The following SYT2 variants were observed in gnomAD, a reference collection of about 807,000 sequenced individuals.
The protein encoded by SYT2 is synaptotagmin 2.
In SYT2, 15 loss-of-function variants were observed where a neutral mutation model predicts 39.9. The ratio of observed to expected loss-of-function variants is 0.38; its 90% CI spans 0.25 to 0.58. The LOEUF (loss-of-function observed/expected upper bound fraction) is 0.58. SYT2 is among the 20% of genes least tolerant of loss of function. SYT2 has a pLI of 0.70. For missense variants in SYT2, 389 were observed against 530.3 expected (o/e 0.73, Z 2.62); for synonymous variants, 181 against 204.5 (o/e 0.89, Z 0.98).
At chr1:202,688,848 G>T (rs1653740533) in intron 1 of SYT2, among the ~76,000 whole-genome samples, 1 of 152,186 alleles carries the variant, frequency 6.6e-6, no homozygotes, top group South Asian at 2.1e-4. Context: ...TTAAAGTAGA[G>T]ATGTCCCCGG....
chr1:202,673,912 G>A (rs1432971175), intron 1 of SYT2, among the ~76,000 whole-genome samples: 2 of 152,154 alleles, frequency 1.3e-5, no homozygotes, highest in Non-Finnish European at 2.9e-5. Flanking sequence ...CTGGCTGATG[G>A]GCAGTGACAG....
intron 8 of SYT2, among the ~76,000 whole-genome samples, chr1:202,597,870 C>G (rs545770814): frequency 6.6e-6 from 1 of 152,270 alleles, no homozygotes; most frequent in East Asian, 1.9e-4. Flanking sequence ...GGAAGAGAAT[C>G]AAGAGGACTT....
chr1:202,609,931 T>A (rs1043117990), intron 1 of SYT2, among the ~76,000 whole-genome samples: 1 of 152,248 alleles, frequency 6.6e-6, no homozygotes, highest in Non-Finnish European at 1.5e-5. Context: ...TTGCCATTGC[T>A]TTTGGTGTTT....
chr1:202,645,296 G>C (rs577849457), intron 1 of SYT2, among the ~76,000 whole-genome samples: 3 of 152,176 alleles, frequency 2.0e-5, no homozygotes, highest in Non-Finnish European at 4.4e-5. Flanking sequence ...ATGGGTGTGC[G>C]GGCTGAAGAG....
chr1:202,694,539 A>G (rs1653924768), intron 1 of SYT2, among the ~76,000 whole-genome samples: 1 of 146,906 alleles, frequency 6.8e-6, no homozygotes, highest in Admixed American at 6.9e-5. Context: ...ATCATAACTT[A>G]AGTCTCCTGA....
intron 1 of SYT2, among the ~76,000 whole-genome samples, chr1:202,631,104 G>A (rs940632026): frequency 1.3e-5 from 2 of 152,214 alleles, no homozygotes; most frequent in Non-Finnish European, 2.9e-5. Flanking sequence ...CTTGTCCAAA[G>A]TGGCAGAGTA....
intron 1 of SYT2, among the ~76,000 whole-genome samples, chr1:202,688,791 G>A (rs1168941557): frequency 1.3e-5 from 2 of 152,146 alleles, no homozygotes; most frequent in Non-Finnish European, 2.9e-5. Context: ...GCCCATCCAC[G>A]GGGTCTTTTA....
chr1:202,685,909 G>A (rs1015130800), intron 1 of SYT2, among the ~76,000 whole-genome samples: 3 of 152,070 alleles, frequency 2.0e-5, no homozygotes, highest in African/African-American at 7.2e-5. Context: ...GAGGCTCTGG[G>A]GCATGGGGGT....
chr1:202,691,938 C>A (rs1288561398), intron 1 of SYT2, among the ~76,000 whole-genome samples: 1 of 152,082 alleles, frequency 6.6e-6, no homozygotes, highest in Non-Finnish European at 1.5e-5. Flanking sequence ...TACAAGGACA[C>A]AGCTACCGTC....
At chr1:202,610,660 G>A (rs1304085884) in intron 1 of SYT2, among the ~76,000 whole-genome samples, 4 of 152,158 alleles carry the variant, frequency 2.6e-5, no homozygotes, top group Admixed American at 2.0e-4. Flanking sequence ...AAAATCACAA[G>A]CATTCTTATA....
chr1:202,620,181 C>T (rs905278947), intron 1 of SYT2, among the ~76,000 whole-genome samples: 3 of 152,208 alleles, frequency 2.0e-5, no homozygotes, highest in African/African-American at 4.8e-5. Flanking sequence ...GTCCACTGGC[C>T]GCTGTCCTTC....
intron 1 of SYT2, among the ~76,000 whole-genome samples, chr1:202,662,212 C>T (rs1014577324): frequency 2.6e-5 from 4 of 152,288 alleles, no homozygotes; most frequent in East Asian, 1.9e-4. Context: ...GACCAGGAAG[C>T]GGCAAGAGGC....
intron 1 of SYT2, among the ~76,000 whole-genome samples, chr1:202,691,692 G>A (rs1572682205): frequency 2.7e-5 from 1 of 37,216 alleles, no homozygotes; most frequent in Non-Finnish European, 7.3e-5. Context: ...AGGGGGAGAG[G>A]GAGAGGGAGA....
At chr1:202,637,055 C>A (rs182126718) in intron 1 of SYT2, among the ~76,000 whole-genome samples, 1 of 152,096 alleles carries the variant, frequency 6.6e-6, no homozygotes, top group Non-Finnish European at 1.5e-5. Context: ...CATGGTGGTT[C>A]ACGCCTGTAA....
chr1:202,658,226 A>G (rs1226248451), intron 1 of SYT2, among the ~76,000 whole-genome samples: 1 of 151,852 alleles, frequency 6.6e-6, no homozygotes, highest in Non-Finnish European at 1.5e-5. Flanking sequence ...CCTTTTTTGG[A>G]AAGAAAAAGG....
intron 1 of SYT2, among the ~76,000 whole-genome samples, chr1:202,631,854 C>G (rs147304507): frequency 1.3e-5 from 2 of 152,132 alleles, no homozygotes; most frequent in Non-Finnish European, 2.9e-5. Context: ...GGGGACACAG[C>G]GCTGACCTAG....
At chr1:202,707,819 G>A (rs1366575765) in intron 1 of SYT2, among the ~76,000 whole-genome samples, 1 of 152,236 alleles carries the variant, frequency 6.6e-6, no homozygotes, top group Non-Finnish European at 1.5e-5. Flanking sequence ...CCTAGGGGCT[G>A]GGGAACACTG....
At chr1:202,648,887 C>G (rs1354468681) in intron 1 of SYT2, among the ~76,000 whole-genome samples, 1 of 152,226 alleles carries the variant, frequency 6.6e-6, no homozygotes, top group Non-Finnish European at 1.5e-5. Context: ...GTGGCTGGCT[C>G]TTGACCTTGT....
chr1:202,687,507 C>G (rs6693751), intron 1 of SYT2, among the ~76,000 whole-genome samples: 1 of 151,766 alleles, frequency 6.6e-6, no homozygotes, highest in Admixed American at 6.6e-5. Flanking sequence ...TTCAGCTGAG[C>G]GTGACAACTG....
Sources: allele counts gnomAD v4.1 joint callset (sites outside exome capture counted in the v4.1 genomes callset), GRCh38; gene constraint gnomAD v4.1.1; transcripts MANE v1.5; gene names NCBI Gene and HGNC (gene_info 2026-07-23, HGNC 2026-07-21).